Variants in SLCO5A1 observed in about 807,000 individuals in gnomAD.
The protein encoded by SLCO5A1 is organic anion transporter polypeptide-related protein 4.
In SLCO5A1, 39 loss-of-function variants were observed where a neutral mutation model predicts 65.1. That is an observed-to-expected ratio of 0.60 (90% CI 0.46 to 0.78). The LOEUF is 0.78. SLCO5A1 is among the 30% of genes least tolerant of loss of function. The pLI is 0.00. For synonymous variants in SLCO5A1, 438 were observed against 415.7 expected, an observed-to-expected ratio of 1.05 and a Z score of -0.65; for missense variants, 1,029 against 1,069.4, an observed-to-expected ratio of 0.96 and a Z score of 0.53.
chr8:69,725,632 A>G (rs375699792), intron 5 of SLCO5A1, among the ~76,000 whole-genome samples: 2 of 152,274 alleles, frequency 1.3e-5, no homozygotes, highest in East Asian at 3.9e-4. Flanking sequence ...GGATGGTGGG[A>G]TGTTTGTTAG....
Position 69,807,925 on chromosome 8 carries a change from G to C in SLCO5A1, c.907+23842C>G, listed in dbSNP as rs539949988. On this transcript the variant is annotated intron_variant, in intron 2 of 9. Coordinates refer to ENST00000260126, the MANE Select transcript of SLCO5A1 (RefSeq NM_030958.3). ...TCACCATGTTAGCCAGGATGGTCTC[G>C]ATCTCCTGACCTGGTGATCCGCCTG... is the stretch of plus-strand genomic sequence containing the variant. Among the ~76,000 whole-genome samples the C allele has an allele frequency of 1.4e-4, 22 of 152,052 alleles. No homozygotes were observed. The South Asian group carries it at 4.2e-3, about 29-fold the overall frequency.
chr8:69,827,075 C>A (rs191738822), intron 2 of SLCO5A1, among the ~76,000 whole-genome samples: 1 of 146,908 alleles, frequency 6.8e-6, no homozygotes. Context: ...CATATTCTCA[C>A]CCATAGGTGG....
chr8:69,797,991 G>A (rs1162165879), intron 2 of SLCO5A1, among the ~76,000 whole-genome samples: 4 of 152,052 alleles, frequency 2.6e-5, no homozygotes, highest in Non-Finnish European at 4.4e-5. Context: ...TGGCTCAGGG[G>A]GAATCACGGA....
chr8:69,754,182 G>A lies in SLCO5A1; in HGVS notation c.1258+1242C>T, dbSNP rs548802528. On this transcript the variant is annotated intron_variant, in intron 4 of 9. Coordinates refer to ENST00000260126, the MANE Select transcript of SLCO5A1 (RefSeq NM_030958.3). Reference sequence around the variant, plus strand: ...TGCACATGGGAAGAGATCAGGCCATGCCAGCATCCAGAGAATGCTTTATGT... The same window carrying A: ...TGCACATGGGAAGAGATCAGGCCATACCAGCATCCAGAGAATGCTTTATGT... Among the ~76,000 whole-genome samples, 4 of 152,246 alleles carry A rather than the reference G, an allele frequency of 2.6e-5. No homozygotes were observed. In the East Asian group the frequency reaches 7.7e-4, roughly 29 times the overall value.
At chr8:69,809,360 A>G (rs140062001) in intron 2 of SLCO5A1, among the ~76,000 whole-genome samples, 1 of 152,220 alleles carries the variant, frequency 6.6e-6, no homozygotes, top group Non-Finnish European at 1.5e-5. Context: ...TTATCTTTTA[A>G]GTATCTGAAA....
At chr8:69,715,815 A>G (rs994531257) in intron 5 of SLCO5A1, among the ~76,000 whole-genome samples, 5 of 152,172 alleles carry the variant, frequency 3.3e-5, no homozygotes, top group African/African-American at 9.7e-5. Flanking sequence ...TTTAATTGAC[A>G]GCTTCTCTGA....
At chr8:69,694,643 C>G (rs1489238322) in intron 6 of SLCO5A1, among the ~76,000 whole-genome samples, 1 of 152,204 alleles carries the variant, frequency 6.6e-6, no homozygotes, top group Non-Finnish European at 1.5e-5. Flanking sequence ...GCAAAGGTAT[C>G]TGCTACTCTA....
chr8:69,798,585 G>T (rs1819601686), intron 2 of SLCO5A1, among the ~76,000 whole-genome samples: 1 of 152,154 alleles, frequency 6.6e-6, no homozygotes, highest in African/African-American at 2.4e-5. Context: ...ACCACAGAGT[G>T]GATGGTGTTA....
At chr8:69,762,389 T>C (rs1263843059) in intron 2 of SLCO5A1, among the ~76,000 whole-genome samples, 1 of 152,014 alleles carries the variant, frequency 6.6e-6, no homozygotes, top group East Asian at 1.9e-4. Context: ...GGTTTCACCA[T>C]GTCAGCCAGG....
Position 69,761,743 on chromosome 8 carries a change from C to T in SLCO5A1, c.1040G>A (p.Trp347Ter). 6.2e-7 allele frequency: 1 copy of T among 1,612,820 alleles called. No homozygotes were observed. The highest frequency in any genetic ancestry group is 8.5e-7 in the Non-Finnish European group (1 of 1,179,746). ...TTAAAAATTAGAAAACAGAACTTAC[C>T]AGTTTCCAATGAAACGAGGGTCATT... ...DQNDPRFIGN[W>*]WSGFLLCAIA... Residue 347 changes from tryptophan to a stop codon, truncating the protein, a stop_gained and splice_region_variant, in exon 3 of 10, where the codon TGG (tryptophan) becomes TAG (stop). Coordinates refer to ENST00000260126, the MANE Select transcript of SLCO5A1 (RefSeq NM_030958.3). LOFTEE classifies it high-confidence loss of function.
At chr8:69,747,370 A>C (rs2130851613) in intron 4 of SLCO5A1, among the ~76,000 whole-genome samples, 1 of 152,058 alleles carries the variant, frequency 6.6e-6, no homozygotes, top group African/African-American at 2.4e-5. Flanking sequence ...TGGATTCTGC[A>C]TCCATGGATT....
chr8:69,820,491 T>C lies in SLCO5A1; in HGVS notation c.907+11276A>G, dbSNP rs1322405222. Among the ~76,000 whole-genome samples, 4 of 152,274 alleles carry C rather than the reference T, an allele frequency of 2.6e-5. No individual in the cohort carries two copies. In the East Asian group the frequency reaches 7.7e-4, roughly 29 times the overall value. On this transcript the variant is annotated intron_variant, in intron 2 of 9. Transcript: ENST00000260126. Reference sequence around the variant, plus strand: ...ATCACTATAAATAAAATTGTATAGATATTGATCTGTAGATTGCTCTATACA... The same window carrying C: ...ATCACTATAAATAAAATTGTATAGACATTGATCTGTAGATTGCTCTATACA...
intron 2 of SLCO5A1, among the ~76,000 whole-genome samples, chr8:69,814,086 A>C (rs948325301): frequency 1.3e-5 from 2 of 152,198 alleles, no homozygotes; most frequent in African/African-American, 4.8e-5. Flanking sequence ...AAAAAACATG[A>C]CATTGGAAAT....
chr8:69,821,805 CAAAAAAAAAA>C (rs11284619), intron 2 of SLCO5A1, among the ~76,000 whole-genome samples: 1 of 115,284 alleles, frequency 8.7e-6, no homozygotes, highest in Non-Finnish European at 1.9e-5. Context: ...GACTTTGTCT[CAAAAAAAAAA>C]AAAAAAAGAA....
intron 4 of SLCO5A1, among the ~76,000 whole-genome samples, chr8:69,743,344 T>C: frequency 6.6e-6 from 1 of 152,182 alleles, no homozygotes; most frequent in East Asian, 1.9e-4. Context: ...TGAAGGTCTT[T>C]ATTTTTGTTT....
chr8:69,697,901 C>A (rs1814567910), intron 6 of SLCO5A1, among the ~76,000 whole-genome samples: 1 of 151,960 alleles, frequency 6.6e-6, no homozygotes, highest in Admixed American at 6.6e-5. Context: ...AGTACATGTG[C>A]AAGTTTATTA....
chr8:69,801,084 C>T (rs1303213669), intron 2 of SLCO5A1, among the ~76,000 whole-genome samples: 1 of 152,200 alleles, frequency 6.6e-6, no homozygotes, highest in Non-Finnish European at 1.5e-5. Context: ...GAAAATCTCA[C>T]CAAAGAGCTC....
intron 4 of SLCO5A1, among the ~76,000 whole-genome samples, chr8:69,743,738 A>T (rs576713419): frequency 2.0e-4 from 31 of 152,252 alleles, no homozygotes; most frequent in South Asian, 1.2e-3. Flanking sequence ...TCCCCAAATG[A>T]GCTGATTAGA....
chr8:69,705,148 T>G lies in SLCO5A1; in HGVS notation c.1505A>C (p.Glu502Ala). 6.2e-7 allele frequency: 1 copy of G among 1,614,168 alleles called. No individual in the cohort carries two copies. Among genetic ancestry groups the G allele is most frequent in the Non-Finnish European group, 8.5e-7 (1 of 1,180,016 alleles). ...GCAGATCATTGCTAGTTTTGCAGAT[T>G]CTCTGGCACCAAGTTTCAATTTTTT... ...IIKKLKLGAR[E>A]SAKLAMICSG... The change falls in exon 6 of 10, where the codon GAA (glutamate) becomes GCA (alanine). Residue 502 changes from glutamate to alanine, a missense_variant. Glu to Ala is a moderately radical substitution (Grantham distance 107). Around this residue, in one of 3 missense-constraint regions of SLCO5A1, gnomAD observed 647 missense variants for 647.5 expected, o/e 1.00. Transcript: ENST00000260126.
Sources: allele counts gnomAD v4.1 joint callset (sites outside exome capture counted in the v4.1 genomes callset), GRCh38; gene constraint gnomAD v4.1.1; regional missense constraint gnomAD v4.1.1; transcripts MANE v1.5; gene names NCBI Gene and HGNC (gene_info 2026-07-23, HGNC 2026-07-21).